Variants in FBXO31 observed in about 807,000 individuals in gnomAD.
FBXO31 encodes F-box protein 31.
A neutral mutation model predicts 54.4 loss-of-function variants in FBXO31; 24 were observed. That is an observed-to-expected ratio of 0.44 (90% CI 0.32 to 0.62). The LOEUF is 0.62. Among genes scored for constraint, FBXO31 ranks in the 20% least tolerant of loss-of-function variants. The pLI, the probability that FBXO31 is intolerant of heterozygous loss-of-function variation, is 0.05. For missense variants in FBXO31, 665 were observed against 787.1 expected (o/e 0.84, Z 1.86); for synonymous variants, 388 against 335.6 (o/e 1.16, Z -1.71).
upstream of FBXO31, among the ~76,000 whole-genome samples, chr16:87,386,989 G>C (rs1292029404): frequency 6.6e-6 from 1 of 152,084 alleles, no homozygotes; most frequent in African/African-American, 2.4e-5. Context: ...GATGGAATTA[G>C]CACTGACCAT....
At chr16:87,352,063 A>G (rs1905686311) in intron 2 of FBXO31, among the ~76,000 whole-genome samples, 1 of 152,188 alleles carries the variant, frequency 6.6e-6, no homozygotes, top group Non-Finnish European at 1.5e-5. Context: ...AGGGTTTCTG[A>G]GAAGCTCCCA....
chr16:87,344,892 C>T (rs60651092), intron 3 of FBXO31, among the ~76,000 whole-genome samples: 4 of 132,370 alleles, frequency 3.0e-5, no homozygotes, highest in East Asian at 2.2e-4. Context: ...ACCCCACCTC[C>T]GGCAGCGCCC....
At chr16:87,342,795 T>C in intron 5 of FBXO31, 82 bp downstream of exon 5, 2 of 1,232,066 alleles carry the variant, frequency 1.6e-6, no homozygotes, top group Non-Finnish European at 2.2e-6. Flanking sequence ...TGCTGACTTC[T>C]CTCCCGCATG....
At chr16:87,334,802 G>A (rs1221722046) in intron 7 of FBXO31, among the ~76,000 whole-genome samples, 2 of 152,220 alleles carry the variant, frequency 1.3e-5, no homozygotes. Flanking sequence ...CATGTGCCAG[G>A]AGCCCTGGCA....
intron 5 of FBXO31, among the ~76,000 whole-genome samples, chr16:87,341,634 C>G (rs572279174): frequency 2.1e-4 from 23 of 108,796 alleles, no homozygotes; most frequent in African/African-American, 7.9e-4. Flanking sequence ...CCAGCCTGGG[C>G]AACAGAGCGA....
rs1459827136 is a variant in FBXO31, at chr16:87,358,235, T to A, written c.412+2060A>T. On this transcript the variant is annotated intron_variant, in intron 2 of 8. Coordinates refer to ENST00000311635, the MANE Select transcript of FBXO31 (RefSeq NM_024735.5). The surrounding 1 kb of genome is among the most constrained non-coding windows in gnomAD (Gnocchi z 4.0). ...GTCCAACACACAGGTGTGATCTCTGTCACAGCTGAAGCAGAGCCACGCTGC... is the reference window on the plus strand; with the variant it reads ...GTCCAACACACAGGTGTGATCTCTGACACAGCTGAAGCAGAGCCACGCTGC... 1.3e-5 allele frequency among the ~76,000 whole-genome samples: 2 copies of A among 152,096 alleles called. No homozygotes were observed. Among genetic ancestry groups the A allele is most frequent in the Non-Finnish European group, 2.9e-5 (2 of 68,042 alleles).
rs138939376 is a variant in FBXO31 at position 87,329,541 on chromosome 16, C to T, written c.*1747G>A. 1,742 of 152,428 alleles carry T rather than the reference C, an allele frequency of 0.011. 32 individuals carry two copies. The highest frequency in any genetic ancestry group is 0.039 in the African/African-American group (1,621 of 41,594). 9.4% of individuals were successfully genotyped at this position (152,428 alleles called of 1,614,324 possible). The stretch of plus-strand genomic sequence containing the variant: ...AACAGTCCTCCAGGCTTCAAGGCCA[C>T]AGTCACCGTCACTCAGAGACTGCCT... On this transcript the variant is annotated 3_prime_UTR_variant, in exon 9 of 9. Transcript: ENST00000311635.
chr16:87,333,250 C>T (rs1054179826), intron 8 of FBXO31, among the ~76,000 whole-genome samples: 6 of 152,194 alleles, frequency 3.9e-5, no homozygotes, highest in African/African-American at 1.2e-4. Context: ...GCCGCCCAAG[C>T]CCTGCAGTGG....
chr16:87,382,404 A>G (rs1397456800), intron 1 of FBXO31, among the ~76,000 whole-genome samples: 1 of 152,112 alleles, frequency 6.6e-6, no homozygotes, highest in Non-Finnish European at 1.5e-5. Flanking sequence ...ATGTTTTCTA[A>G]CCTGTCCTTT....
intron 8 of FBXO31, among the ~76,000 whole-genome samples, chr16:87,331,797 G>A (rs1333739800): frequency 2.6e-5 from 4 of 152,218 alleles, no homozygotes; most frequent in African/African-American, 7.2e-5. Context: ...CGCAGCACCC[G>A]TGAGGGATTC....
At chr16:87,389,961 C>G (rs1316211610), upstream of FBXO31, 1 of 152,230 alleles carries the variant, frequency 6.6e-6, no homozygotes, top group Non-Finnish European at 1.5e-5. Context: ...GTGCCACCTG[C>G]ACAAATGCAC....
At chr16:87,342,140 A>C (rs1045234118) in intron 5 of FBXO31, among the ~76,000 whole-genome samples, 3 of 152,214 alleles carry the variant, frequency 2.0e-5, no homozygotes, top group East Asian at 3.9e-4. Flanking sequence ...CTCATAGCTC[A>C]CTGCAGTCTC....
chr16:87,334,691 G>A (rs1347379147), intron 7 of FBXO31, among the ~76,000 whole-genome samples: 1 of 152,258 alleles, frequency 6.6e-6, no homozygotes, highest in African/African-American at 2.4e-5. Flanking sequence ...GCCCCATTAT[G>A]CCAGATGTGG....
In FBXO31 at chr16:87,336,845, C is replaced by T. The variant is rs887537685; in HGVS notation, c.733-581G>A. On this transcript the variant is annotated intron_variant, in intron 5 of 8. Transcript: ENST00000311635. This position sits in a 1 kb window ranked among gnomAD's most constrained non-coding sequence, Gnocchi z 6.5. ...TCCGCAGCCCCACCAGTCCGCCCTG[C>T]ATTCTGCCATCACATGGTGCTGAGG... 1.2e-4 allele frequency among the ~76,000 whole-genome samples: 19 copies of T among 152,312 alleles called. No individual in the cohort carries two copies. The highest frequency in any genetic ancestry group is 4.6e-4 in the African/African-American group (19 of 41,572).
intron 1 of FBXO31, among the ~76,000 whole-genome samples, chr16:87,370,147 C>A (rs913960585): frequency 6.6e-6 from 1 of 152,194 alleles, no homozygotes; most frequent in African/African-American, 2.4e-5. Context: ...TTACTGTCCC[C>A]CTGTCCCACT....
chr16:87,384,901 G>T (rs1417817380), upstream of FBXO31, among the ~76,000 whole-genome samples: 1 of 148,906 alleles, frequency 6.7e-6, no homozygotes, highest in African/African-American at 2.6e-5. Context: ...ATGGCTGGGC[G>T]CGGTGGCTCA....
At chr16:87,334,423 G>A in intron 7 of FBXO31, 137 bp from the exon 8 acceptor site, 1 of 752,130 alleles carries the variant, frequency 1.3e-6, no homozygotes, top group Admixed American at 3.0e-5. Flanking sequence ...GTCCCTTACA[G>A]AAGAAGAAGT....
intron 3 of FBXO31, 93 bp downstream of exon 3, chr16:87,347,081 C>T: frequency 8.7e-7 from 1 of 1,153,658 alleles, no homozygotes; most frequent in Non-Finnish European, 1.3e-6. Context: ...TCTGGGCCAG[C>T]TTGTACCCAG....
At chr16:87,334,646 G>C (rs1283978679) in intron 7 of FBXO31, among the ~76,000 whole-genome samples, 1 of 152,268 alleles carries the variant, frequency 6.6e-6, no homozygotes, top group African/African-American at 2.4e-5. Flanking sequence ...ACTCCGTGAG[G>C]AGTCCAGGAG....
Sources: allele counts gnomAD v4.1 joint callset (sites outside exome capture counted in the v4.1 genomes callset), GRCh38; gene constraint gnomAD v4.1.1; non-coding constraint Gnocchi (gnomAD v3.1); transcripts MANE v1.5; gene names NCBI Gene and HGNC (gene_info 2026-07-23, HGNC 2026-07-21).